Variants in DDX3Y observed in about 807,000 individuals in gnomAD.
DDX3Y encodes the protein ATP-dependent RNA helicase DDX3Y.
In DDX3Y, 2 loss-of-function variants were observed where a neutral mutation model predicts 15.1. The observed-to-expected ratio is 0.13, with a 90% CI of 0.05 to 0.42. The LOEUF (loss-of-function observed/expected upper bound fraction) is 0.42. DDX3Y is among the 10% of genes least tolerant of loss of function. The pLI, the probability that DDX3Y is intolerant of heterozygous loss-of-function variation, is 0.99. For synonymous variants in DDX3Y, 47 were observed against 45.0 expected (o/e 1.04, Z -0.18); for missense variants, 81 against 149.9 (o/e 0.54, Z 2.40).
At chrY:12,916,860 C>T in intron 14 of DDX3Y, 47 bp from the exon 15 acceptor site, 2 of 323,523 alleles carry the variant, frequency 6.2e-6, no homozygotes, top group Non-Finnish European at 8.9e-6. Flanking sequence ...TATAAGAATA[C>T]TCCACTACTT....
intron 15 of DDX3Y, 93 bp downstream of exon 15, chrY:12,917,153 A>G: frequency 7.3e-6 from 2 of 275,778 alleles, no homozygotes; most frequent in Non-Finnish European, 5.5e-6. Flanking sequence ...AGTTATTTTC[A>G]ACAATAATAA....
At position 12,916,965 on chromosome Y, in the gene DDX3Y, T is replaced by A; in HGVS notation, c.1668T>A (p.Asp556Glu). ...KNMNITKDLL[D>E]LLVEAKQEVP... The stretch of plus-strand genomic sequence containing the variant: ...TGAATATTACAAAGGATTTGTTGGA[T>A]CTTCTTGTAGAAGCTAAACAAGAAG... Residue 556 changes from aspartate to glutamate, a missense_variant, in exon 15 of 17, where the codon GAT becomes GAA. This residue lies in a region of DDX3Y where 52 missense variants were observed against 122.8 expected (regional missense o/e 0.42). Transcript: ENST00000336079. 2.5e-6 allele frequency: 1 copy of A among 392,758 alleles called. No homozygotes were observed. The highest frequency in any genetic ancestry group is 6.4e-5 in the African/African-American group (1 of 15,549).
intron 2 of DDX3Y, among the ~76,000 whole-genome samples, chrY:12,908,843 C>T (rs2053619602): frequency 3.1e-5 from 1 of 32,714 alleles, no homozygotes; most frequent in Non-Finnish European, 7.6e-5. Context: ...CCACCATGCC[C>T]GGCTAATTTT....
Position 12,916,455 on chromosome Y carries a change from T to A in DDX3Y, c.1491+13T>A. The A allele has an allele frequency of 2.5e-6, 1 of 396,897 alleles. No individual in the cohort carries two copies. Among genetic ancestry groups the A allele is most frequent in the Non-Finnish European group, 3.5e-6 (1 of 282,604 alleles). On this transcript the variant is annotated intron_variant, in intron 13 of 16. Coordinates refer to ENST00000336079, the MANE Select transcript of DDX3Y (RefSeq NM_004660.5). ...AGTGGCTACAGCTGTATGTATATTT[T>A]ATTTTTTAATTTATCATGTGTGGAT...
At chrY:12,910,478 A>T (rs2053624241) in intron 3 of DDX3Y, among the ~76,000 whole-genome samples, 2 of 31,356 alleles carry the variant, frequency 6.4e-5, no homozygotes, top group Non-Finnish European at 1.6e-4. Context: ...TACTCTTGTC[A>T]TTTTTTTTTT....
At chrY:12,905,420 C>T in intron 1 of DDX3Y, among the ~76,000 whole-genome samples, 1 of 33,806 alleles carries the variant, frequency 3.0e-5, no homozygotes. Context: ...AAAGTGTATT[C>T]AGGCCACCCA....
Position 12,908,771 on chromosome Y carries a change from C to T in DDX3Y, c.104-589C>T, listed in dbSNP as rs775689522. Among the ~76,000 whole-genome samples, 6 of 33,946 alleles carry T rather than the reference C, an allele frequency of 1.8e-4. No homozygotes were observed. The South Asian group carries it at 3.9e-3, about 22-fold the overall frequency. 91.1% of individuals were successfully genotyped at this position (33,946 alleles called of 37,273 possible). A position where few individuals can be genotyped will look rare whatever the true frequency, so the allele number is the denominator to read the frequency against. ...GATCTCGGCTCACCCCAAGCTCCCC[C>T]TCCCAGGTTCATGCCATTCTCCTGC... is the stretch of plus-strand genomic sequence containing the variant. On this transcript the variant is annotated intron_variant, in intron 2 of 16. Coordinates refer to ENST00000336079, the MANE Select transcript of DDX3Y (RefSeq NM_004660.5).
chrY:12,917,553 T>C lies in DDX3Y; in HGVS notation c.1903+11T>C. Reference sequence around the variant, plus strand: ...GAGGATTTGGTGGAGGTAATGTTAATTTTTCTTTTAGGAAGGGCTTTTTGT... The same window carrying C: ...GAGGATTTGGTGGAGGTAATGTTAACTTTTCTTTTAGGAAGGGCTTTTTGT... On this transcript the variant is annotated intron_variant, in intron 16 of 16. Coordinates refer to ENST00000336079, the MANE Select transcript of DDX3Y (RefSeq NM_004660.5). The C allele has an allele frequency of 2.6e-6, 1 of 382,190 alleles. No individual in the cohort carries two copies. The highest frequency in any genetic ancestry group is 3.6e-6 in the Non-Finnish European group (1 of 276,828).
intron 4 of DDX3Y, 62 bp downstream of exon 4, chrY:12,912,030 C>T (rs2053630307): frequency 4.3e-6 from 1 of 231,706 alleles, no homozygotes; most frequent in African/African-American, 7.8e-5. Flanking sequence ...GGTAGGTTCT[C>T]ATTCTTCATA....
At chrY:12,912,128 G>A (rs577475185) in intron 4 of DDX3Y, among the ~76,000 whole-genome samples, 160 bp downstream of exon 4, 21 of 33,718 alleles carry the variant, frequency 6.2e-4, no homozygotes, top group African/African-American at 2.4e-3. Flanking sequence ...AGCAGTAAGA[G>A]GTCTTTATTA....
At chrY:12,913,459 G>A in intron 6 of DDX3Y, among the ~76,000 whole-genome samples, 1 of 34,019 alleles carries the variant, frequency 2.9e-5, no homozygotes, top group African/African-American at 1.2e-4. Context: ...AGAGTGCTGG[G>A]ACTACAGGCA....
At position 12,918,786 on chromosome Y, in the gene DDX3Y, C is replaced by G. The variant is rs773551747; in HGVS notation, c.*664C>G. On this transcript the variant is annotated 3_prime_UTR_variant, in exon 17 of 17. Transcript: ENST00000336079. ...GGGAACTTACACTCTTTAAGCCATTCCAGTCATGATGAGGTGGAATGTATC... is the reference window on the plus strand; with the variant it reads ...GGGAACTTACACTCTTTAAGCCATTGCAGTCATGATGAGGTGGAATGTATC... 1 of 33,028 alleles carries G rather than the reference C, an allele frequency of 3.0e-5. No individual in the cohort carries two copies. The highest frequency in any genetic ancestry group is 6.7e-4 in the South Asian group (1 of 1,482). 8.2% of individuals were successfully genotyped at this position (33,028 alleles called of 400,897 possible). A position where few individuals can be genotyped will look rare whatever the true frequency, so the allele number is the denominator to read the frequency against.
chrY:12,905,108 T>C, intron 1 of DDX3Y, 127 bp downstream of exon 1: 2 of 195,109 alleles, frequency 1.0e-5, no homozygotes, highest in Non-Finnish European at 9.3e-6. Context: ...TGACTGGGAC[T>C]CTAGGGAAAT....
chrY:12,914,763 C>T, intron 8 of DDX3Y, 114 bp downstream of exon 8: 1 of 252,023 alleles, frequency 4.0e-6, no homozygotes. Flanking sequence ...TTTTTTTACC[C>T]CTTTCACCCA....
chrY:12,906,842 A>G (rs2053613447), intron 1 of DDX3Y, among the ~76,000 whole-genome samples: 3 of 30,995 alleles, frequency 9.7e-5, no homozygotes, highest in Non-Finnish European at 2.3e-4. Context: ...ATAAGGAGGC[A>G]TGAATTGAGA....
chrY:12,910,913 G>GT (rs35222057), intron 3 of DDX3Y, among the ~76,000 whole-genome samples: 557 of 25,311 alleles, frequency 0.022, no homozygotes, highest in Middle Eastern at 0.17. Flanking sequence ...AGTTGGAGCT[G>GT]TTTTTTTTTT....
At chrY:12,912,627 G>T in intron 4 of DDX3Y, 100 bp from the exon 5 acceptor site, 3 of 299,635 alleles carry the variant, frequency 1.0e-5, no homozygotes, top group Non-Finnish European at 1.5e-5. Context: ...TCGAAGGGTG[G>T]TTGTGTTCAG....
chrY:12,908,393 T>G (rs9341289), intron 2 of DDX3Y, among the ~76,000 whole-genome samples: 19 of 34,142 alleles, frequency 5.6e-4, no homozygotes, highest in African/African-American at 1.7e-3. Context: ...CTTTTAAGTT[T>G]TATAAATTTA....
In DDX3Y at chrY:12,907,612, T is replaced by A. The variant is rs746312690; in HGVS notation, c.103+18T>A. The A allele has an allele frequency of 4.8e-5, 16 of 331,183 alleles. No individual in the cohort carries two copies. Among genetic ancestry groups the A allele is most frequent in the East Asian group, 2.1e-4 (2 of 9,628 alleles). The allele number at this position is 331,183 out of a possible 400,897, so 82.6% of individuals were successfully genotyped here. On this transcript the variant is annotated intron_variant, in intron 2 of 16. Coordinates refer to ENST00000336079, the MANE Select transcript of DDX3Y (RefSeq NM_004660.5). ...AGCGAGCAGTAAGTAAAACTTTTTTTAAAAATGGAGTGTTTATCAGAGCTT... is the reference window on the plus strand; with the variant it reads ...AGCGAGCAGTAAGTAAAACTTTTTTAAAAAATGGAGTGTTTATCAGAGCTT...
Sources: gnomAD v4.1 joint callset for allele counts (sites outside exome capture counted in the v4.1 genomes callset) on GRCh38, gnomAD v4.1.1 for gene constraint, gnomAD v4.1.1 regional missense constraint, MANE v1.5 for transcripts, NCBI Gene and HGNC (gene_info 2026-07-23, HGNC 2026-07-21) for gene names.